ACSF3: variants seen among roughly 807,000 people sequenced by gnomAD.
ACSF3 encodes malonate--CoA ligase ACSF3, mitochondrial.
Under a neutral mutation model 53.2 loss-of-function variants are expected in ACSF3, and 78 were observed. The observed-to-expected ratio is 1.47, with a 90% CI of 1.22 to 1.77. The LOEUF is 1.77. Among genes scored for constraint, ACSF3 ranks in the 40% most tolerant of loss-of-function variants. The probability of loss-of-function intolerance (pLI) is 0.00; values close to 1 mark genes in which losing one functional copy is unlikely to be tolerated. For missense variants in ACSF3, 937 were observed against 771.1 expected, an observed-to-expected ratio of 1.22 and a Z score of -2.55; for synonymous variants, 414 against 333.1, an observed-to-expected ratio of 1.24 and a Z score of -2.65.
At chr16:89,122,560 C>T (rs1906918570) in intron 7 of ACSF3, 1 of 301,338 alleles carries the variant, frequency 3.3e-6, no homozygotes, top group Non-Finnish European at 6.9e-6. Context: ...TCAGCCAGTT[C>T]CAACCCTGTC....
chr16:89,111,260 G>T (rs1023673998), intron 4 of ACSF3, among the ~76,000 whole-genome samples: 2 of 152,362 alleles, frequency 1.3e-5, no homozygotes, highest in Admixed American at 6.5e-5. Context: ...TTGAAAGAAT[G>T]ATATTATTTC....
At chr16:89,097,833 G>A (rs909097021) in intron 1 of ACSF3, among the ~76,000 whole-genome samples, 2 of 152,186 alleles carry the variant, frequency 1.3e-5, no homozygotes, top group South Asian at 2.1e-4. Flanking sequence ...AGGACTGACC[G>A]TTTGGTAGGA....
At position 89,154,575 on chromosome 16, in the gene ACSF3, A is replaced by C; in HGVS notation, c.*368A>C. The C allele has an allele frequency of 2.2e-6, 1 of 447,968 alleles. No individual in the cohort carries two copies. The highest frequency in any genetic ancestry group is 6.9e-5 in the East Asian group (1 of 14,540). 27.7% of individuals were successfully genotyped at this position (447,968 alleles called of 1,614,324 possible). A position where few individuals can be genotyped will look rare whatever the true frequency, so the allele number is the denominator to read the frequency against. The stretch of plus-strand genomic sequence containing the variant: ...GTTTCCCACAAAAAACAAAGACTCC[A>C]CTGGAGGAAACAAGCCCCTGTCCCA... On this transcript the variant is annotated 3_prime_UTR_variant, in exon 11 of 11. Transcript: ENST00000614302.
rs369627971 is a variant in ACSF3, at chr16:89,126,147, A to G, written c.1239+5234A>G. Among the ~76,000 whole-genome samples the G allele has an allele frequency of 2.0e-5, 3 of 152,208 alleles. No individual in the cohort carries two copies. In the South Asian group the frequency reaches 6.2e-4, roughly 32 times the overall value. On this transcript the variant is annotated intron_variant, in intron 7 of 10. Transcript: ENST00000614302. Reference sequence around the variant, plus strand: ...CTTCTGTGTTGTATTCAGCATATAGATGCTGTACTTGTGTTAAATTTATAA... The same window carrying G: ...CTTCTGTGTTGTATTCAGCATATAGGTGCTGTACTTGTGTTAAATTTATAA...
intron 5 of ACSF3, 36 bp from the exon 6 acceptor site, chr16:89,114,303 C>G (rs374302986): frequency 4.3e-6 from 7 of 1,612,768 alleles, no homozygotes; most frequent in Non-Finnish European, 5.9e-6. Context: ...AGCCACGTCC[C>G]AAGGGGCTAA....
chr16:89,154,208 C>T lies in ACSF3; in HGVS notation c.*1C>T. 1 of 1,613,204 alleles carries T rather than the reference C, an allele frequency of 6.2e-7. No homozygotes were observed. The highest frequency in any genetic ancestry group is 2.2e-5 in the East Asian group (1 of 44,872). On this transcript the variant is annotated 3_prime_UTR_variant, in exon 11 of 11. Coordinates refer to ENST00000614302, the MANE Select transcript of ACSF3 (RefSeq NM_001243279.3). ...CATCAGGCACTTCCACCCCTCATGA[C>T]CCGGCAGACTGGGACTGCGGGTCTG...
At chr16:89,134,098 C>T (rs565904818) in intron 8 of ACSF3, among the ~76,000 whole-genome samples, 3 of 152,286 alleles carry the variant, frequency 2.0e-5, no homozygotes, top group East Asian at 3.9e-4. Flanking sequence ...ATTTGGATAG[C>T]GGACGTATGT....
At chr16:89,132,658 C>T (rs111740513) in intron 7 of ACSF3, among the ~76,000 whole-genome samples, 68 of 152,376 alleles carry the variant, frequency 4.5e-4, no homozygotes, top group African/African-American at 1.4e-3. Flanking sequence ...GGGCGCTGCC[C>T]GCTCCAAGCT....
At position 89,154,441 on chromosome 16, in the gene ACSF3, G is replaced by A. The variant is rs1474962808; in HGVS notation, c.*234G>A. 2 of 653,692 alleles carry A rather than the reference G, an allele frequency of 3.1e-6. No homozygotes were observed. The highest frequency in any genetic ancestry group is 5.6e-6 in the Non-Finnish European group (2 of 355,592). The allele number at this position is 653,692 out of a possible 1,614,324, so 40.5% of individuals were successfully genotyped here. On this transcript the variant is annotated 3_prime_UTR_variant, in exon 11 of 11. Transcript: ENST00000614302. Reference sequence around the variant, plus strand: ...GTGTCACCTCTGCCTGGTCACCGCCGACCTCATCTGTGCAGCGCGGTGCAG... The same window carrying A: ...GTGTCACCTCTGCCTGGTCACCGCCAACCTCATCTGTGCAGCGCGGTGCAG...
Position 89,155,011 on chromosome 16 carries a change from CTG to C in ACSF3, c.*807_*808del. 1 of 454,128 alleles carries C rather than the reference CTG, an allele frequency of 2.2e-6. No homozygotes were observed. Among genetic ancestry groups the C allele is most frequent in the South Asian group, 1.6e-5 (1 of 64,474 alleles). 28.1% of individuals were successfully genotyped at this position (454,128 alleles called of 1,614,324 possible). ...CTGCCCCATGGCCCCCATTTCATGTCTGTGGCTCACCAGCTTTTCCCCAGACC... is the reference window on the plus strand; with the variant it reads ...CTGCCCCATGGCCCCCATTTCATGTCTGGCTCACCAGCTTTTCCCCAGACC... On this transcript the variant is annotated 3_prime_UTR_variant, in exon 11 of 11. Coordinates refer to ENST00000614302, the MANE Select transcript of ACSF3 (RefSeq NM_001243279.3).
In ACSF3 at chr16:89,120,688, G is replaced by C; in HGVS notation, c.1127-113G>C. On this transcript the variant is annotated intron_variant, in intron 6 of 10. Coordinates refer to ENST00000614302, the MANE Select transcript of ACSF3 (RefSeq NM_001243279.3). ...CAGGGCACGTCGCTCCCTCCACACAGACTCCCGCACGTGGCACACGGGAGC... is the reference window on the plus strand; with the variant it reads ...CAGGGCACGTCGCTCCCTCCACACACACTCCCGCACGTGGCACACGGGAGC... The C allele has an allele frequency of 7.8e-6, 8 of 1,019,884 alleles. No individual in the cohort carries two copies. In the South Asian group the frequency reaches 8.9e-5, roughly 11 times the overall value. 63.2% of individuals were successfully genotyped at this position (1,019,884 alleles called of 1,614,324 possible).
chr16:89,101,033 A>C lies in ACSF3; in HGVS notation c.352A>C (p.Ser118Arg), dbSNP rs1975248415. Residue 118 changes from serine (S) to arginine (R), a missense_variant, in exon 3 of 11, where the codon AGT (serine) becomes CGT (arginine). Coordinates refer to ENST00000614302, the MANE Select transcript of ACSF3 (RefSeq NM_001243279.3). ...YVVAQWASWMSGGVAVPLYRK... is the reference protein window; with the variant it reads ...YVVAQWASWMRGGVAVPLYRK... ...CGTGGCCCAGTGGGCGTCATGGATG[A>C]GTGGCGGTGTGGCAGTCCCCCTCTA... 4.3e-6 allele frequency: 7 copies of C among 1,613,794 alleles called. No homozygotes were observed. The South Asian group carries it at 7.7e-5, about 18-fold the overall frequency.
Position 89,102,692 on chromosome 16 carries a change from A to C in ACSF3, c.755A>C (p.Asn252Thr). The change falls in exon 4 of 11, where the codon AAC becomes ACC. Residue 252 changes from asparagine to threonine, a missense_variant. Transcript: ENST00000614302. Reference sequence around the variant, plus strand: ...CTGCACCACGTCCATGGTGTGGTCAACGCGCTGCTCTGTCCTCTCTGGGTG... The same window carrying C: ...CTGCACCACGTCCATGGTGTGGTCACCGCGCTGCTCTGTCCTCTCTGGGTG... ...LPLHHVHGVVNALLCPLWVGA... is the reference protein window; with the variant it reads ...LPLHHVHGVVTALLCPLWVGA... 6.2e-7 allele frequency: 1 copy of C among 1,612,936 alleles called. No homozygotes were observed. The highest frequency in any genetic ancestry group is 8.5e-7 in the Non-Finnish European group (1 of 1,179,930).
intron 1 of ACSF3, among the ~76,000 whole-genome samples, chr16:89,095,884 A>AAGGCAGCAG (rs1277417926): frequency 6.6e-6 from 1 of 152,170 alleles, no homozygotes; most frequent in Non-Finnish European, 1.5e-5. Context: ...AATGAGGACA[A>AAGGCAGCAG]AGGCAGCAGC....
intron 2 of ACSF3, among the ~76,000 whole-genome samples, chr16:89,099,342 G>C (rs1974992372): frequency 1.3e-5 from 2 of 152,366 alleles, no homozygotes; most frequent in South Asian, 4.1e-4. Context: ...AATTCCAGTG[G>C]ACGGCGGGCC....
At chr16:89,103,986 G>A (rs984031838) in intron 4 of ACSF3, among the ~76,000 whole-genome samples, 2 of 152,206 alleles carry the variant, frequency 1.3e-5, no homozygotes, top group Admixed American at 1.3e-4. Flanking sequence ...GCACAGCATC[G>A]GGCCTCGCCT....
intron 7 of ACSF3, among the ~76,000 whole-genome samples, chr16:89,127,572 G>T (rs375301486): frequency 6.6e-6 from 1 of 151,952 alleles, no homozygotes; most frequent in Non-Finnish European, 1.5e-5. Flanking sequence ...TCACTATATT[G>T]CCCAGGCTGA....
At position 89,146,066 on chromosome 16, in the gene ACSF3, C is replaced by CGGGGTGGGGG; in HGVS notation, c.1613+20_1613+21insGTGGGGGGGG. ...GTGGGCCAGGTAGGGCTGGGTGGGG[C>CGGGGTGGGGG]GGGCAGGGAGCACTCATGGGGTCTT... On this transcript the variant is annotated intron_variant, in intron 10 of 10. Coordinates refer to ENST00000614302, the MANE Select transcript of ACSF3 (RefSeq NM_001243279.3). 1 of 440,126 alleles carries CGGGGTGGGGG rather than the reference C, an allele frequency of 2.3e-6. No individual in the cohort carries two copies. Among genetic ancestry groups the CGGGGTGGGGG allele is most frequent in the South Asian group, 1.9e-5 (1 of 54,044 alleles). The allele number at this position is 440,126 out of a possible 1,614,324, so 27.3% of individuals were successfully genotyped here.
intron 6 of ACSF3, 41 bp from the exon 7 acceptor site, chr16:89,120,760 C>A: frequency 6.3e-7 from 1 of 1,589,026 alleles, no homozygotes; most frequent in South Asian, 1.1e-5. Flanking sequence ...CCAGGTTCCT[C>A]TCACTCCAGC....
Sources: allele counts gnomAD v4.1 joint callset (sites outside exome capture counted in the v4.1 genomes callset), GRCh38; gene constraint gnomAD v4.1.1; transcripts MANE v1.5; gene names NCBI Gene and HGNC (gene_info 2026-07-23, HGNC 2026-07-21).